MDGA2: variants seen among roughly 807,000 people sequenced by gnomAD.
MDGA2 encodes the protein MAM domain-containing glycosylphosphatidylinositol anchor protein 2.
In MDGA2, 40 loss-of-function variants were observed where a neutral mutation model predicts 117.8. The ratio of observed to expected loss-of-function variants is 0.34; its 90% confidence interval spans 0.26 to 0.44. MDGA2 has a LOEUF of 0.44. Ranked by LOEUF, MDGA2 falls within the 20% of genes least tolerant of loss-of-function variation. The probability of loss-of-function intolerance (pLI) is 1.00; values close to 1 mark genes in which losing one functional copy is unlikely to be tolerated. For synonymous variants in MDGA2, 452 were observed against 439.0 expected (o/e 1.03, Z -0.37); for missense variants, 1,123 against 1,250.6 (o/e 0.90, Z 1.54).
At chr14:47,661,448 A>G (rs1413867528) in intron 1 of MDGA2, among the ~76,000 whole-genome samples, 1 of 152,204 alleles carries the variant, frequency 6.6e-6, no homozygotes, top group African/African-American at 2.4e-5. Flanking sequence ...TTATAGGTGA[A>G]AAAAGATGAA....
intron 1 of MDGA2, among the ~76,000 whole-genome samples, chr14:47,339,891 A>T (rs1462754717): frequency 6.6e-6 from 1 of 152,184 alleles, no homozygotes; most frequent in East Asian, 1.9e-4. Context: ...TATATACATT[A>T]TATAATCATG....
At chr14:47,411,823 G>A (rs2416067) in intron 1 of MDGA2, among the ~76,000 whole-genome samples, 152,154 of 152,302 alleles carry the variant, frequency 1, 76,003 homozygotes, top group Non-Finnish European at 1. Context: ...TATTGGAACA[G>A]GGGCCCTAGC....
chr14:47,573,628 G>A (rs1330009697), intron 1 of MDGA2, among the ~76,000 whole-genome samples: 1 of 152,138 alleles, frequency 6.6e-6, no homozygotes, highest in Non-Finnish European at 1.5e-5. Context: ...CTAATTAGAG[G>A]TTGTAAAGCC....
chr14:46,850,906 C>T (rs1881031541), intron 15 of MDGA2, among the ~76,000 whole-genome samples: 1 of 151,830 alleles, frequency 6.6e-6, no homozygotes. Context: ...ATGGTTAAGT[C>T]AGGAGCCACC....
At chr14:47,238,790 T>C (rs1390505722) in intron 2 of MDGA2, among the ~76,000 whole-genome samples, 1 of 151,730 alleles carries the variant, frequency 6.6e-6, no homozygotes, top group Non-Finnish European at 1.5e-5. Context: ...CATATAATGA[T>C]GTAAAAACAA....
chr14:47,018,603 G>A (rs545056596), intron 8 of MDGA2, among the ~76,000 whole-genome samples: 21 of 151,960 alleles, frequency 1.4e-4, no homozygotes, highest in African/African-American at 5.1e-4. Flanking sequence ...TAGCAAAGTA[G>A]ATACTGAGAA....
chr14:47,607,022 A>G (rs1259896078), intron 1 of MDGA2, among the ~76,000 whole-genome samples: 1 of 152,170 alleles, frequency 6.6e-6, no homozygotes, highest in Non-Finnish European at 1.5e-5. Context: ...CAACACCTTA[A>G]TTTTAAAAAA....
chr14:47,256,569 T>C (rs776326568), intron 2 of MDGA2, among the ~76,000 whole-genome samples: 20 of 152,154 alleles, frequency 1.3e-4, no homozygotes, highest in Non-Finnish European at 2.6e-4. Context: ...CTTGCACACT[T>C]AAAGAAGATA....
At chr14:47,138,744 T>A (rs1882575939) in intron 4 of MDGA2, among the ~76,000 whole-genome samples, 1 of 152,118 alleles carries the variant, frequency 6.6e-6, no homozygotes, top group Admixed American at 6.6e-5. Flanking sequence ...CTAAAGTCTG[T>A]CAATTTAGAT....
At position 47,296,523 on chromosome 14, in the gene MDGA2, G is replaced by C. The variant is rs186617509; in HGVS notation, c.420+4888C>G. The stretch of plus-strand genomic sequence containing the variant: ...AGTAAATAGAGATGTACAAGTGACT[G>C]ATAAACATGTGGGAAAATGTTCAAA... On this transcript the variant is annotated intron_variant, in intron 2 of 16. Transcript: ENST00000399232. 6.6e-5 allele frequency among the ~76,000 whole-genome samples: 10 copies of C among 152,280 alleles called. No homozygotes were observed. The East Asian group carries it at 1.7e-3, about 26-fold the overall frequency.
intron 3 of MDGA2, among the ~76,000 whole-genome samples, chr14:47,151,841 C>T (rs1883176029): frequency 6.6e-6 from 1 of 151,432 alleles, no homozygotes; most frequent in African/African-American, 2.4e-5. Flanking sequence ...GGACTCATAC[C>T]TTATATTTAT....
At chr14:46,940,744 G>A (rs1884968245) in intron 9 of MDGA2, among the ~76,000 whole-genome samples, 1 of 152,080 alleles carries the variant, frequency 6.6e-6, no homozygotes, top group Non-Finnish European at 1.5e-5. Flanking sequence ...CTGATCCAGC[G>A]ACTCCCAGGC....
At chr14:47,423,105 T>C (rs17118612) in intron 1 of MDGA2, among the ~76,000 whole-genome samples, 4,393 of 152,258 alleles carry the variant, frequency 0.029, 207 homozygotes, top group African/African-American at 0.1. Flanking sequence ...ATCCTTGCTT[T>C]CTCTTCTTGT....
intron 6 of MDGA2, among the ~76,000 whole-genome samples, chr14:47,076,560 ATGTGTGTGTGTGTG>A (rs145260703): frequency 2.0e-5 from 3 of 147,076 alleles, no homozygotes; most frequent in African/African-American, 7.6e-5. Context: ...AGTGTGTGTT[ATGTGTGTGTGTGTG>A]TGTGTGTGTG....
intron 9 of MDGA2, among the ~76,000 whole-genome samples, chr14:46,930,650 C>A (rs957657133): frequency 5.3e-5 from 8 of 152,218 alleles, no homozygotes; most frequent in Middle Eastern, 3.4e-3. Flanking sequence ...TCTGGCAAAT[C>A]TTTTCTTTCC....
In MDGA2 at chr14:47,059,355, A is replaced by T. The variant is rs574285806; in HGVS notation, c.1525+1894T>A. On this transcript the variant is annotated intron_variant, in intron 7 of 16. Transcript: ENST00000399232. Reference sequence around the variant, plus strand: ...GTAGTGTTTTGGAAGAAGTCAATATATTTCTTTTATCTCCAATAGTGTTAC... The same window carrying T: ...GTAGTGTTTTGGAAGAAGTCAATATTTTTCTTTTATCTCCAATAGTGTTAC... 2.1e-5 allele frequency: 26 copies of T among 1,256,108 alleles called. No individual in the cohort carries two copies. The African/African-American group carries it at 4.0e-4, about 19-fold the overall frequency. The allele number at this position is 1,256,108 out of a possible 1,614,324, so 77.8% of individuals were successfully genotyped here.
chr14:46,998,215 A>C (rs1324723556), intron 8 of MDGA2, among the ~76,000 whole-genome samples: 1 of 152,100 alleles, frequency 6.6e-6, no homozygotes, highest in Admixed American at 6.6e-5. Flanking sequence ...AGGCCAAGGC[A>C]GGAGGATTGC....
chr14:47,526,325 T>G (rs2138722973), intron 1 of MDGA2, among the ~76,000 whole-genome samples: 1 of 152,328 alleles, frequency 6.6e-6, no homozygotes, highest in Non-Finnish European at 1.5e-5. Context: ...TTGGTCTGAT[T>G]TTTCTCCAAA....
chr14:46,989,254 A>T (rs139230429), intron 8 of MDGA2, among the ~76,000 whole-genome samples: 14 of 152,094 alleles, frequency 9.2e-5, no homozygotes, highest in Non-Finnish European at 1.6e-4. Context: ...TGGGCTAGGA[A>T]TACTTGCAAG....
Sources: gnomAD v4.1 joint callset for allele counts (sites outside exome capture counted in the v4.1 genomes callset) on GRCh38, gnomAD v4.1.1 for gene constraint, MANE v1.5 for transcripts, NCBI Gene and HGNC (gene_info 2026-07-23, HGNC 2026-07-21) for gene names.